The following KCNIP1 variants were observed in gnomAD, a reference collection of about 807,000 sequenced individuals.
The protein encoded by KCNIP1 is A-type potassium channel modulatory protein KCNIP1.
KCNIP1 carries 18 observed loss-of-function variants against 33.0 expected under a neutral mutation model. The observed-to-expected ratio is 0.55, with a 90% CI of 0.38 to 0.81. The LOEUF is 0.81. Among genes scored for constraint, KCNIP1 ranks in the 30% least tolerant of loss-of-function variants. The probability of loss-of-function intolerance (pLI) is 0.00; values close to 1 mark genes in which losing one functional copy is unlikely to be tolerated. For synonymous variants in KCNIP1, 93 were observed against 98.3 expected, an observed-to-expected ratio of 0.95 and a Z score of 0.32; for missense variants, 238 against 271.6, an observed-to-expected ratio of 0.88 and a Z score of 0.87.
At chr5:170,520,958 A>G (rs1029454494) in intron 1 of KCNIP1, among the ~76,000 whole-genome samples, 9 of 152,306 alleles carry the variant, frequency 5.9e-5, no homozygotes, top group Middle Eastern at 3.4e-3. Context: ...AACAGAGCTA[A>G]TGCCTCCCTT....
At chr5:170,408,017 T>G (rs1481519310) in intron 1 of KCNIP1, among the ~76,000 whole-genome samples, 1 of 152,210 alleles carries the variant, frequency 6.6e-6, no homozygotes, top group East Asian at 1.9e-4. Flanking sequence ...CTTTCCCACC[T>G]GTAACCTGGG....
chr5:170,375,834 T>C (rs1201342105), intron 1 of KCNIP1: 1 of 152,224 alleles, frequency 6.6e-6, no homozygotes, highest in Non-Finnish European at 1.5e-5. Flanking sequence ...CAAAACTCTA[T>C]GGAAAGATAC....
At chr5:170,617,819 T>C (rs1184385661) in intron 1 of KCNIP1, among the ~76,000 whole-genome samples, 1 of 152,244 alleles carries the variant, frequency 6.6e-6, no homozygotes, top group African/African-American at 2.4e-5. Context: ...AATGCAGATC[T>C]AACCCATTCT....
rs976985069 is a variant in KCNIP1, at chr5:170,362,271, C to G, written c.88+8307C>G. ...ACAACTGGAAGCCTAGGCGGTCTGG[C>G]CCCAAGCCCTGGGTTTTACTTCCCT... On this transcript the variant is annotated intron_variant, in intron 1 of 7. Coordinates refer to the KCNIP1 transcript ENST00000377360. Among the ~76,000 whole-genome samples, 6 of 152,196 alleles carry G rather than the reference C, an allele frequency of 3.9e-5. 1 individual carries two copies. The South Asian group carries it at 1.2e-3, about 32-fold the overall frequency.
chr5:170,622,083 C>CT (rs1318710680), intron 1 of KCNIP1, among the ~76,000 whole-genome samples: 1 of 152,178 alleles, frequency 6.6e-6, no homozygotes, highest in Non-Finnish European at 1.5e-5. Context: ...TACTGCTTCC[C>CT]TTCCAGTTTG....
chr5:170,526,178 G>A (rs1755558863), intron 1 of KCNIP1, among the ~76,000 whole-genome samples: 1 of 152,106 alleles, frequency 6.6e-6, no homozygotes, highest in Non-Finnish European at 1.5e-5. Context: ...TCACCCTCCT[G>A]GGCACCCCAA....
chr5:170,382,655 CTT>C lies in KCNIP1; in HGVS notation c.88+28710_88+28711del, dbSNP rs5873227. 2.5e-3 allele frequency: 322 copies of C among 129,516 alleles called. 1 individual carries two copies. Among genetic ancestry groups the C allele is most frequent in the African/African-American group, 8.0e-3 (276 of 34,698 alleles). 8.0% of individuals were successfully genotyped at this position (129,516 alleles called of 1,614,324 possible). On this transcript the variant is annotated intron_variant, in intron 1 of 7. Coordinates refer to the KCNIP1 transcript ENST00000377360. ...TTAAAAGCCTAATCCAAGAGCCTTTCTTTTTTTTTTTTTTTTTTTTGAGATGG... is the reference window on the plus strand; with the variant it reads ...TTAAAAGCCTAATCCAAGAGCCTTTCTTTTTTTTTTTTTTTTTTGAGATGG...
chr5:170,559,827 CA>C (rs1396269484), intron 1 of KCNIP1, among the ~76,000 whole-genome samples: 2 of 152,192 alleles, frequency 1.3e-5, no homozygotes, highest in African/African-American at 4.8e-5. Flanking sequence ...CAGATGCCCA[CA>C]ACCAAGCAAG....
rs116196216 is a variant in KCNIP1 at position 170,641,393 on chromosome 5, C to T, written c.62-77365C>T. ...CCTCAGCATGAGGGGCTGCTCGGGCCCAGTCCCAGAGGCCATGCTGGTCCC... is the reference window on the plus strand; with the variant it reads ...CCTCAGCATGAGGGGCTGCTCGGGCTCAGTCCCAGAGGCCATGCTGGTCCC... On this transcript the variant is annotated intron_variant, in intron 1 of 7. Transcript: ENST00000328939. Among the ~76,000 whole-genome samples, 1,476 of 152,298 alleles carry T rather than the reference C, an allele frequency of 9.7e-3. 8 individuals are homozygous for T. Among genetic ancestry groups the T allele is most frequent in the Non-Finnish European group, 0.014 (961 of 68,014 alleles).
At chr5:170,616,628 G>A (rs1312629965) in intron 1 of KCNIP1, among the ~76,000 whole-genome samples, 1 of 152,158 alleles carries the variant, frequency 6.6e-6, no homozygotes, top group Non-Finnish European at 1.5e-5. Flanking sequence ...ATGTGAAAGA[G>A]GTGGGGTTCC....
At chr5:170,620,579 T>A (rs1421729510) in intron 1 of KCNIP1, among the ~76,000 whole-genome samples, 1 of 152,236 alleles carries the variant, frequency 6.6e-6, no homozygotes. Context: ...CTGCTCAAAC[T>A]GTGCCTGATG....
chr5:170,668,756 A>G (rs1016062072), intron 1 of KCNIP1, among the ~76,000 whole-genome samples: 3 of 152,222 alleles, frequency 2.0e-5, no homozygotes, highest in African/African-American at 7.2e-5. Context: ...CAGGCAGCCC[A>G]GATGACTGGG....
At chr5:170,605,935 T>C (rs1758897152) in intron 1 of KCNIP1, among the ~76,000 whole-genome samples, 1 of 152,148 alleles carries the variant, frequency 6.6e-6, no homozygotes, top group Admixed American at 6.5e-5. Flanking sequence ...CCACCACACC[T>C]GGCTAAGTTT....
intron 1 of KCNIP1, chr5:170,483,227 TG>T (rs1262723269): frequency 2.7e-6 from 1 of 368,864 alleles, no homozygotes; most frequent in African/African-American, 2.1e-5. Flanking sequence ...CCCAGGGTGG[TG>T]GGAACACCCT....
At position 170,518,598 on chromosome 5, in the gene KCNIP1, C is replaced by T. The variant is rs192190723; in HGVS notation, c.61+13965C>T. On this transcript the variant is annotated intron_variant, in intron 1 of 7. Coordinates refer to ENST00000328939, the MANE Select transcript of KCNIP1 (RefSeq NM_014592.4). ...TTAAATGTTTCATCTTTGAAGATAA[C>T]GCGGGGGTTATCAGGCACATCAGAA... 3.3e-5 allele frequency among the ~76,000 whole-genome samples: 5 copies of T among 152,284 alleles called. No individual in the cohort carries two copies. In the East Asian group the frequency reaches 7.7e-4, roughly 24 times the overall value.
chr5:170,387,523 C>T (rs754586340), intron 1 of KCNIP1, among the ~76,000 whole-genome samples: 3 of 152,186 alleles, frequency 2.0e-5, no homozygotes, highest in East Asian at 1.9e-4. Flanking sequence ...CCTCCCCTAT[C>T]GATCGGCAGA....
At chr5:170,680,142 C>T (rs139958406) in intron 1 of KCNIP1, among the ~76,000 whole-genome samples, 15 of 152,098 alleles carry the variant, frequency 9.9e-5, no homozygotes, top group Non-Finnish European at 2.2e-4. Flanking sequence ...CTCTTATTTG[C>T]GTTAAGTTTA....
chr5:170,586,175 A>G (rs72832768), intron 1 of KCNIP1, among the ~76,000 whole-genome samples: 6,008 of 152,326 alleles, frequency 0.039, 160 homozygotes, highest in Non-Finnish European at 0.062. Context: ...CCTGGTATAC[A>G]GCAGGTGTTC....
At chr5:170,723,580 CAG>C (rs1467631959) in intron 5 of KCNIP1, among the ~76,000 whole-genome samples, 7 of 152,176 alleles carry the variant, frequency 4.6e-5, no homozygotes, top group Admixed American at 6.5e-5. Context: ...TCTGTAAGCT[CAG>C]AGAGTTTATC....
Sources: gnomAD v4.1 joint callset for allele counts (sites outside exome capture counted in the v4.1 genomes callset) on GRCh38, gnomAD v4.1.1 for gene constraint, MANE v1.5 for transcripts, NCBI Gene and HGNC (gene_info 2026-07-23, HGNC 2026-07-21) for gene names.